The following PLEKHA7 variants were observed in gnomAD, a reference collection of about 807,000 sequenced individuals.
The protein encoded by PLEKHA7 is pleckstrin homology domain-containing family A member 7.
PLEKHA7 carries 104 observed loss-of-function variants against 170.0 expected under a neutral mutation model. The observed-to-expected ratio is 0.61, with a 90% CI of 0.52 to 0.72. The LOEUF is 0.72. Among genes scored for constraint, PLEKHA7 ranks in the 30% least tolerant of loss-of-function variants. The pLI, the probability that PLEKHA7 is intolerant of heterozygous loss-of-function variation, is 0.00. For synonymous variants in PLEKHA7, 648 were observed against 660.8 expected (o/e 0.98, Z 0.30); for missense variants, 1,615 against 1,671.7 (o/e 0.97, Z 0.59).
intron 3 of PLEKHA7, among the ~76,000 whole-genome samples, chr11:16,954,400 A>G (rs879849146): frequency 1.3e-5 from 2 of 151,988 alleles, no homozygotes; most frequent in African/African-American, 2.4e-5. Context: ...CATGTGTGGT[A>G]GTGCACACCT....
chr11:16,794,410 G>A (rs1848067628), intron 19 of PLEKHA7, 78 bp downstream of exon 19: 16 of 1,421,128 alleles, frequency 1.1e-5, no homozygotes, highest in Non-Finnish European at 1.6e-5. Flanking sequence ...GTTTTCCCAG[G>A]AGTTTCTCTC....
intron 12 of PLEKHA7, among the ~76,000 whole-genome samples, chr11:16,815,525 CTTTT>C (rs1007832882): frequency 6.6e-6 from 1 of 151,584 alleles, no homozygotes; most frequent in African/African-American, 2.4e-5. Context: ...CAGACTCAAG[CTTTT>C]TTTTTCTTCT....
At chr11:16,939,206 A>C (rs1329744941) in intron 3 of PLEKHA7, among the ~76,000 whole-genome samples, 4 of 152,098 alleles carry the variant, frequency 2.6e-5, no homozygotes, top group Non-Finnish European at 5.9e-5. Flanking sequence ...TGATGCCAAG[A>C]GTTCAGGACT....
chr11:16,960,221 C>T (rs1037612381), intron 3 of PLEKHA7, among the ~76,000 whole-genome samples: 1 of 152,200 alleles, frequency 6.6e-6, no homozygotes, highest in African/African-American at 2.4e-5. Flanking sequence ...AGCACCCCCA[C>T]CAGCTCCCCT....
intron 3 of PLEKHA7, among the ~76,000 whole-genome samples, chr11:16,994,230 G>C (rs1301442973): frequency 6.6e-6 from 1 of 152,242 alleles, no homozygotes; most frequent in African/African-American, 2.4e-5. Context: ...GGGCCAAGGT[G>C]TGGCAAGCAA....
intron 3 of PLEKHA7, among the ~76,000 whole-genome samples, chr11:16,961,348 T>C (rs1862047589): frequency 6.6e-6 from 1 of 152,232 alleles, no homozygotes; most frequent in Non-Finnish European, 1.5e-5. Context: ...CGCCAGGCTA[T>C]GCTCAGCTCA....
chr11:16,792,812 T>A (rs932923697), intron 19 of PLEKHA7, among the ~76,000 whole-genome samples: 1 of 152,222 alleles, frequency 6.6e-6, no homozygotes, highest in African/African-American at 2.4e-5. Context: ...CTTGCTGTAT[T>A]GCCCAGGCTG....
chr11:17,007,830 A>T (rs981586598), intron 3 of PLEKHA7, among the ~76,000 whole-genome samples: 4 of 152,146 alleles, frequency 2.6e-5, no homozygotes, highest in African/African-American at 7.2e-5. Flanking sequence ...TGCTTTGGCC[A>T]TTCAAAGTGC....
At chr11:16,999,818 T>G (rs1204697001) in intron 3 of PLEKHA7, among the ~76,000 whole-genome samples, 1 of 152,168 alleles carries the variant, frequency 6.6e-6, no homozygotes, top group Non-Finnish European at 1.5e-5. Context: ...CAGAGATGCT[T>G]CTACTTTCAG....
At chr11:16,997,486 C>A (rs990101884) in intron 3 of PLEKHA7, among the ~76,000 whole-genome samples, 3 of 152,202 alleles carry the variant, frequency 2.0e-5, no homozygotes, top group African/African-American at 7.2e-5. Flanking sequence ...GACCGGCAAT[C>A]TGTCTCCTCT....
intron 4 of PLEKHA7, among the ~76,000 whole-genome samples, chr11:16,863,191 C>T (rs776667249): frequency 5.9e-5 from 9 of 152,156 alleles, no homozygotes; most frequent in Non-Finnish European, 1.2e-4. Context: ...CTGCAACCTG[C>T]AAAATGAACC....
At chr11:16,942,891 T>A (rs1377025665) in intron 3 of PLEKHA7, among the ~76,000 whole-genome samples, 1 of 152,244 alleles carries the variant, frequency 6.6e-6, no homozygotes, top group African/African-American at 2.4e-5. Context: ...GCCCTTTAGA[T>A]TCTATTTCAT....
intron 3 of PLEKHA7, among the ~76,000 whole-genome samples, chr11:16,992,299 G>T (rs1478564972): frequency 6.6e-6 from 1 of 152,198 alleles, no homozygotes; most frequent in Non-Finnish European, 1.5e-5. Context: ...GGTGGAAGGA[G>T]GAACTCCTTC....
chr11:16,784,178 G>C (rs921469046), intron 24 of PLEKHA7, among the ~76,000 whole-genome samples: 1 of 152,188 alleles, frequency 6.6e-6, no homozygotes, highest in African/African-American at 2.4e-5. Context: ...TCCAGCCACT[G>C]ATCAACCAGT....
intron 3 of PLEKHA7, among the ~76,000 whole-genome samples, chr11:16,929,808 T>C (rs1859801200): frequency 6.6e-6 from 1 of 152,108 alleles, no homozygotes; most frequent in Admixed American, 6.5e-5. Flanking sequence ...ATCGAGACCA[T>C]CCTGGCCAAC....
At chr11:16,962,461 C>T (rs752225933) in intron 3 of PLEKHA7, among the ~76,000 whole-genome samples, 1 of 152,170 alleles carries the variant, frequency 6.6e-6, no homozygotes, top group South Asian at 2.1e-4. Context: ...CTGCCTGTAG[C>T]CACAAGCACC....
chr11:16,991,268 C>G (rs1170305559), intron 3 of PLEKHA7, among the ~76,000 whole-genome samples: 1 of 152,116 alleles, frequency 6.6e-6, no homozygotes, highest in Non-Finnish European at 1.5e-5. Flanking sequence ...TAAATTAATT[C>G]AATAATTATT....
At chr11:16,936,851 G>A (rs1860338292) in intron 3 of PLEKHA7, among the ~76,000 whole-genome samples, 1 of 152,242 alleles carries the variant, frequency 6.6e-6, no homozygotes, top group Non-Finnish European at 1.5e-5. Flanking sequence ...TACCTTTGCT[G>A]AGCTGCTCTA....
intron 3 of PLEKHA7, among the ~76,000 whole-genome samples, chr11:16,876,516 G>C (rs1325262674): frequency 6.6e-6 from 1 of 152,244 alleles, no homozygotes; most frequent in Non-Finnish European, 1.5e-5. Context: ...AGATGGCAGG[G>C]AAGGATGATT....
Sources: gnomAD v4.1 joint callset for allele counts (sites outside exome capture counted in the v4.1 genomes callset) on GRCh38, gnomAD v4.1.1 for gene constraint, MANE v1.5 for transcripts, NCBI Gene and HGNC (gene_info 2026-07-23, HGNC 2026-07-21) for gene names.